The following ALK variants were observed in gnomAD, a reference collection of about 807,000 sequenced individuals.
ALK encodes the protein ALK tyrosine kinase receptor.
In ALK, 74 loss-of-function variants were observed where a neutral mutation model predicts 163.1. The ratio of observed to expected loss-of-function variants is 0.45; its 90% CI spans 0.38 to 0.55. The LOEUF is 0.55. Among genes scored for constraint, ALK ranks in the 20% least tolerant of loss-of-function variants. The pLI, the probability that ALK is intolerant of heterozygous loss-of-function variation, is 0.00. For synonymous variants in ALK, 960 were observed against 843.2 expected (o/e 1.14, Z -2.40); for missense variants, 2,063 against 2,105.3 (o/e 0.98, Z 0.39).
chr2:29,858,929 A>G (rs977583714), intron 1 of ALK, among the ~76,000 whole-genome samples: 3 of 152,050 alleles, frequency 2.0e-5, no homozygotes, highest in Non-Finnish European at 2.9e-5. Context: ...GCTACTCAGG[A>G]GGCTGAGGCA....
chr2:29,480,971 T>G (rs1340977804), intron 4 of ALK, among the ~76,000 whole-genome samples: 1 of 152,180 alleles, frequency 6.6e-6, no homozygotes, highest in South Asian at 2.1e-4. Context: ...CAGGGACCAC[T>G]GGAGCAAAGT....
At chr2:29,533,687 C>T (rs1036206150) in intron 3 of ALK, among the ~76,000 whole-genome samples, 12 of 152,276 alleles carry the variant, frequency 7.9e-5, no homozygotes, top group Middle Eastern at 3.4e-3. Context: ...TTAATGGATG[C>T]CTATTTTGAG....
chr2:29,470,255 T>C (rs1460720389), intron 4 of ALK, among the ~76,000 whole-genome samples: 1 of 151,906 alleles, frequency 6.6e-6, no homozygotes, highest in Non-Finnish European at 1.5e-5. Flanking sequence ...TGAGTCACAA[T>C]GAAAAGGTCT....
At chr2:29,203,172 G>T (rs1379096391) in intron 26 of ALK, among the ~76,000 whole-genome samples, 1 of 152,138 alleles carries the variant, frequency 6.6e-6, no homozygotes, top group African/African-American at 2.4e-5. Context: ...GATCCACTGG[G>T]TTAGGTTAAA....
intron 11 of ALK, among the ~76,000 whole-genome samples, chr2:29,262,022 G>C (rs1038283150): frequency 3.3e-5 from 5 of 152,190 alleles, no homozygotes; most frequent in African/African-American, 1.2e-4. Flanking sequence ...GAATGAACAG[G>C]GTTGAGAATG....
intron 3 of ALK, among the ~76,000 whole-genome samples, chr2:29,649,595 C>A (rs1403756792): frequency 1.3e-5 from 2 of 152,108 alleles, no homozygotes; most frequent in African/African-American, 2.4e-5. Flanking sequence ...TGAGGAATAA[C>A]CCCCTTTTTT....
intron 5 of ALK, among the ~76,000 whole-genome samples, chr2:29,364,152 T>C (rs1668449030): frequency 6.6e-6 from 1 of 152,206 alleles, no homozygotes; most frequent in Non-Finnish European, 1.5e-5. Context: ...AAAGGGAGGC[T>C]ATTCAGATAC....
chr2:29,849,625 G>A (rs1477965213), intron 1 of ALK, among the ~76,000 whole-genome samples: 1 of 152,192 alleles, frequency 6.6e-6, no homozygotes, highest in Non-Finnish European at 1.5e-5. Context: ...TTTACCAAGT[G>A]TCCACACCAA....
intron 2 of ALK, among the ~76,000 whole-genome samples, chr2:29,696,966 A>G (rs1451827554): frequency 6.6e-6 from 1 of 151,490 alleles, no homozygotes; most frequent in Non-Finnish European, 1.5e-5. Context: ...ACAATAAAAA[A>G]CCCTAGGTGA....
intron 1 of ALK, among the ~76,000 whole-genome samples, chr2:29,760,842 C>A (rs1680680059): frequency 6.6e-6 from 1 of 152,210 alleles, no homozygotes; most frequent in African/African-American, 2.4e-5. Flanking sequence ...CCTCAACACA[C>A]CTCAACATGC....
At chr2:29,303,841 A>G (rs1573209937) in intron 8 of ALK, among the ~76,000 whole-genome samples, 1 of 152,324 alleles carries the variant, frequency 6.6e-6, no homozygotes, top group African/African-American at 2.4e-5. Flanking sequence ...ATGAGTCCAC[A>G]TGGACTTAAA....
chr2:29,918,709 T>C (rs1286381911), intron 1 of ALK, among the ~76,000 whole-genome samples: 1 of 152,200 alleles, frequency 6.6e-6, no homozygotes, highest in African/African-American at 2.4e-5. Context: ...CTCGTGTGTG[T>C]GTGTATGTGT....
intron 1 of ALK, among the ~76,000 whole-genome samples, chr2:29,817,993 T>C (rs1170767681): frequency 6.6e-6 from 1 of 152,204 alleles, no homozygotes; most frequent in Admixed American, 6.5e-5. Context: ...TGTGCTAGAA[T>C]ACTAACGCTG....
chr2:29,811,769 T>C (rs923752267), intron 1 of ALK, among the ~76,000 whole-genome samples: 7 of 152,244 alleles, frequency 4.6e-5, no homozygotes, highest in African/African-American at 1.4e-4. Flanking sequence ...TTCATGTTAC[T>C]GGTGATGCCT....
chr2:29,496,584 A>C (rs1672030087), intron 4 of ALK, among the ~76,000 whole-genome samples: 1 of 152,224 alleles, frequency 6.6e-6, no homozygotes, highest in African/African-American at 2.4e-5. Context: ...GCCTTGAGGA[A>C]GAGATAACTT....
chr2:29,907,997 G>A (rs190700735), intron 1 of ALK, among the ~76,000 whole-genome samples: 2 of 152,204 alleles, frequency 1.3e-5, no homozygotes, highest in Non-Finnish European at 2.9e-5. Flanking sequence ...TATTGGCCCA[G>A]CTCTGACTCT....
At chr2:29,419,840 A>G (rs1364140825) in intron 4 of ALK, among the ~76,000 whole-genome samples, 1 of 151,418 alleles carries the variant, frequency 6.6e-6, no homozygotes, top group Admixed American at 6.6e-5. Flanking sequence ...TTTGAACCAA[A>G]ATGCATGCTG....
rs146750196 is a variant in ALK at position 29,400,168 on chromosome 2, T to G, written c.1155-16309A>C. On this transcript the variant is annotated intron_variant, in intron 4 of 28. Coordinates refer to ENST00000389048, the MANE Select transcript of ALK (RefSeq NM_004304.5). ...GTACATCATCTCATTTAAAAGATTT[T>G]TTTTCGTTCATTTTCATGTATTATA... 3.7e-3 allele frequency among the ~76,000 whole-genome samples: 562 copies of G among 152,340 alleles called. 4 individuals are homozygous for G. The highest frequency in any genetic ancestry group is 0.012 in the African/African-American group (501 of 41,582).
At chr2:29,222,749 C>T (rs1056801436) in intron 20 of ALK, 142 bp from the exon 21 acceptor site, 1 of 697,348 alleles carries the variant, frequency 1.4e-6, no homozygotes, top group African/African-American at 1.8e-5. Context: ...GTAATACCCT[C>T]AACATGGCTT....
Sources: gnomAD v4.1 joint callset for allele counts (sites outside exome capture counted in the v4.1 genomes callset) on GRCh38, gnomAD v4.1.1 for gene constraint, MANE v1.5 for transcripts, NCBI Gene and HGNC (gene_info 2026-07-23, HGNC 2026-07-21) for gene names.